Variants in ZBTB20 observed in about 807,000 individuals in gnomAD.
ZBTB20 encodes zinc finger and BTB domain containing 20, also known as zinc finger and BTB domain-containing protein 20.
A neutral mutation model predicts 56.9 loss-of-function variants in ZBTB20; 9 were observed. That is an observed-to-expected ratio of 0.16 (90% CI 0.10 to 0.28). The LOEUF is 0.28. Among genes scored for constraint, ZBTB20 ranks in the 10% least tolerant of loss-of-function variants. The pLI, the probability that ZBTB20 is intolerant of heterozygous loss-of-function variation, is 1.00. For missense variants in ZBTB20, 655 were observed against 1,003.0 expected (o/e 0.65, Z 4.69); for synonymous variants, 417 against 420.7 (o/e 0.99, Z 0.11).
chr3:114,373,181 G>A (rs751426543), intron 10 of ZBTB20, among the ~76,000 whole-genome samples: 1 of 152,124 alleles, frequency 6.6e-6, no homozygotes, highest in Non-Finnish European at 1.5e-5. Context: ...CCCAAAGTGC[G>A]GGGATTACAG....
chr3:114,390,673 C>A (rs1395742459), intron 7 of ZBTB20, among the ~76,000 whole-genome samples: 1 of 152,210 alleles, frequency 6.6e-6, no homozygotes, highest in East Asian at 1.9e-4. Flanking sequence ...ATCTTTAGTT[C>A]TAGCTTTTCT....
rs530685458 is a variant in ZBTB20, at chr3:114,464,113, C to T, written c.-255+36239G>A. ...TCCAAATTTCCCGCTGCCTTCAGTA[C>T]AGTGGTTTACAAGTAGCATTTGCTT... On this transcript the variant is annotated intron_variant, in intron 7 of 11. Transcript: ENST00000675478. 5.4e-4 allele frequency among the ~76,000 whole-genome samples: 82 copies of T among 152,280 alleles called. 1 individual carries two copies. In the South Asian group the frequency reaches 0.016, roughly 30 times the overall value.
At chr3:114,927,000 C>T (rs1019653802) in intron 3 of ZBTB20, among the ~76,000 whole-genome samples, 6 of 152,132 alleles carry the variant, frequency 3.9e-5, no homozygotes, top group African/African-American at 1.4e-4. Flanking sequence ...CCTGCTTGGC[C>T]TCCCAAAGTG....
chr3:114,998,425 G>A (rs1264216615), intron 2 of ZBTB20, among the ~76,000 whole-genome samples: 1 of 151,716 alleles, frequency 6.6e-6, no homozygotes, highest in Non-Finnish European at 1.5e-5. Context: ...AATCATAAGA[G>A]TAATGGGAAA....
At chr3:114,719,755 A>G (rs755065204) in intron 5 of ZBTB20, among the ~76,000 whole-genome samples, 7 of 152,142 alleles carry the variant, frequency 4.6e-5, no homozygotes, top group Non-Finnish European at 7.4e-5. Context: ...GAAAATCCAC[A>G]TGGCCAGAGA....
intron 3 of ZBTB20, among the ~76,000 whole-genome samples, chr3:114,933,925 A>C (rs2076442935): frequency 6.6e-6 from 1 of 152,186 alleles, no homozygotes; most frequent in Non-Finnish European, 1.5e-5. Flanking sequence ...GAGAAAATAA[A>C]GGTCATCAGA....
rs2078850332 is a variant in ZBTB20 at position 114,320,332 on chromosome 3, A to G, written c.*18673T>C. 6.6e-6 allele frequency: 1 copy of G among 152,212 alleles called. No homozygotes were observed. Among genetic ancestry groups the G allele is most frequent in the East Asian group, 1.9e-4 (1 of 5,204 alleles). 9.4% of individuals were successfully genotyped at this position (152,212 alleles called of 1,614,324 possible). On this transcript the variant is annotated 3_prime_UTR_variant, in exon 12 of 12. Transcript: ENST00000675478. ...AGTGCATTAAACAAATTTTAAATTA[A>G]AAGAAGAAATAAACGTTTCCCCCCA...
chr3:114,616,342 A>G (rs1346753268), intron 6 of ZBTB20, among the ~76,000 whole-genome samples: 2 of 152,166 alleles, frequency 1.3e-5, no homozygotes, highest in Non-Finnish European at 2.9e-5. Flanking sequence ...CTTGATGCCG[A>G]TTAAATATTT....
At chr3:114,464,673 G>T (rs1220043240) in intron 7 of ZBTB20, among the ~76,000 whole-genome samples, 2 of 152,134 alleles carry the variant, frequency 1.3e-5, no homozygotes, top group African/African-American at 4.8e-5. Context: ...CTCAATTCTG[G>T]TCAAGGAGGT....
At chr3:114,716,428 A>G (rs566902547) in intron 5 of ZBTB20, among the ~76,000 whole-genome samples, 1 of 152,306 alleles carries the variant, frequency 6.6e-6, no homozygotes, top group Admixed American at 6.5e-5. Context: ...GTAGACTCAC[A>G]GACACACTGC....
intron 3 of ZBTB20, among the ~76,000 whole-genome samples, chr3:114,928,106 T>C (rs970502800): frequency 1.3e-5 from 2 of 152,208 alleles, no homozygotes; most frequent in African/African-American, 2.4e-5. Context: ...CTAGAACATA[T>C]GGTTTCTGCT....
chr3:114,553,984 T>A lies in ZBTB20; in HGVS notation c.-294-53593A>T, dbSNP rs1013253123. On this transcript the variant is annotated intron_variant, in intron 6 of 11. Coordinates refer to ENST00000675478, the MANE Select transcript of ZBTB20 (RefSeq NM_001348800.3). ...AGATGAGCTTGTGATAAAGAGATGA[T>A]GTCTCCTGCCAAATTGTAATATCAT... Among the ~76,000 whole-genome samples, 6 of 152,220 alleles carry A rather than the reference T, an allele frequency of 3.9e-5. No individual in the cohort carries two copies. In the South Asian group the frequency reaches 6.2e-4, roughly 16 times the overall value.
At chr3:114,541,718 A>T (rs1009166062) in intron 6 of ZBTB20, among the ~76,000 whole-genome samples, 6 of 152,164 alleles carry the variant, frequency 3.9e-5, no homozygotes, top group African/African-American at 1.4e-4. Flanking sequence ...TTAATGTTGA[A>T]AGAGTAACTC....
At chr3:115,049,443 T>C (rs182899045) in intron 2 of ZBTB20, among the ~76,000 whole-genome samples, 4 of 152,268 alleles carry the variant, frequency 2.6e-5, no homozygotes, top group Admixed American at 2.0e-4. Flanking sequence ...TTTAGAATAT[T>C]TGCATACACA....
intron 7 of ZBTB20, among the ~76,000 whole-genome samples, chr3:114,464,479 A>C (rs920548637): frequency 6.6e-6 from 1 of 152,186 alleles, no homozygotes; most frequent in Non-Finnish European, 1.5e-5. Context: ...AAATATTTTA[A>C]CTTAAAGCCA....
Position 114,328,406 on chromosome 3 carries a change from AG to A in ZBTB20, c.*10598del. 1 of 152,300 alleles carries A rather than the reference AG, an allele frequency of 6.6e-6. No individual in the cohort carries two copies. Among genetic ancestry groups the A allele is most frequent in the East Asian group, 1.9e-4 (1 of 5,186 alleles). 9.4% of individuals were successfully genotyped at this position (152,300 alleles called of 1,614,324 possible). ...CCTATAATCTAAAGTCTGATAAACA[AG>A]TAATTTGACTAGTGGAAACAGTCAA... On this transcript the variant is annotated 3_prime_UTR_variant, in exon 12 of 12. Transcript: ENST00000675478.
chr3:115,103,532 C>T (rs1241945909), intron 1 of ZBTB20, among the ~76,000 whole-genome samples: 1 of 152,060 alleles, frequency 6.6e-6, no homozygotes, highest in Non-Finnish European at 1.5e-5. Context: ...AATAGACAGC[C>T]CAGGAGAAGG....
chr3:114,474,296 T>G (rs2040489457), intron 7 of ZBTB20, among the ~76,000 whole-genome samples: 1 of 152,210 alleles, frequency 6.6e-6, no homozygotes, highest in Non-Finnish European at 1.5e-5. Context: ...ATTAGCTATA[T>G]CCCAAACTAG....
chr3:114,992,381 A>T (rs1179591209), intron 2 of ZBTB20, among the ~76,000 whole-genome samples: 1 of 152,066 alleles, frequency 6.6e-6, no homozygotes, highest in Non-Finnish European at 1.5e-5. Flanking sequence ...TTAAAAGTCA[A>T]GACAGGGAGA....
Sources: gnomAD v4.1 joint callset for allele counts (sites outside exome capture counted in the v4.1 genomes callset) on GRCh38, gnomAD v4.1.1 for gene constraint, MANE v1.5 for transcripts, NCBI Gene and HGNC (gene_info 2026-07-23, HGNC 2026-07-21) for gene names.